The following CHKA variants were observed in gnomAD, a reference collection of about 807,000 sequenced individuals.
CHKA encodes choline kinase alpha.
CHKA carries 34 observed loss-of-function variants against 60.1 expected under a neutral mutation model. That is an observed-to-expected ratio of 0.57 (90% CI 0.43 to 0.75). The LOEUF is 0.75. Among genes scored for constraint, CHKA ranks in the 30% least tolerant of loss-of-function variants. The probability of loss-of-function intolerance (pLI) is 0.00; values close to 1 mark genes in which losing one functional copy is unlikely to be tolerated. For synonymous variants in CHKA, 217 were observed against 223.1 expected (o/e 0.97, Z 0.24); for missense variants, 563 against 561.3 (o/e 1.00, Z -0.03).
chr11:68,120,520 C>A (rs778437019), intron 1 of CHKA, among the ~76,000 whole-genome samples: 18 of 152,262 alleles, frequency 1.2e-4, no homozygotes, highest in Non-Finnish European at 2.1e-4. Context: ...GCGTCAGTAC[C>A]ACACGCACTT....
chr11:68,096,556 T>G (rs550275562), intron 2 of CHKA, among the ~76,000 whole-genome samples: 1 of 152,166 alleles, frequency 6.6e-6, no homozygotes, highest in African/African-American at 2.4e-5. Flanking sequence ...ACTCAAAGTT[T>G]TAAAGAAATC....
At chr11:68,065,980 T>G (rs2134518563) in intron 8 of CHKA, 86 bp from the exon 9 acceptor site, 1 of 918,648 alleles carries the variant, frequency 1.1e-6, no homozygotes, top group Non-Finnish European at 1.7e-6. Context: ...AAAGGCTGAG[T>G]TCCGAGCACG....
At chr11:68,111,415 G>GAA (rs112678218) in intron 1 of CHKA, among the ~76,000 whole-genome samples, 7 of 122,872 alleles carry the variant, frequency 5.7e-5, no homozygotes, top group Non-Finnish European at 8.7e-5. Flanking sequence ...TCCATCTCAA[G>GAA]AAAAAAAAAA....
At chr11:68,077,829 GGT>G (rs1856843318) in intron 3 of CHKA, among the ~76,000 whole-genome samples, 2 of 152,232 alleles carry the variant, frequency 1.3e-5, no homozygotes, top group East Asian at 3.9e-4. Flanking sequence ...TGAGATCTGA[GGT>G]GTGAAAAGCC....
At chr11:68,085,827 A>G (rs538276069) in intron 2 of CHKA, among the ~76,000 whole-genome samples, 1 of 152,084 alleles carries the variant, frequency 6.6e-6, no homozygotes, top group African/African-American at 2.4e-5. Flanking sequence ...GCAGTGGTGC[A>G]ATCTCAGCTC....
At chr11:68,115,458 T>C (rs1319677100) in intron 1 of CHKA, among the ~76,000 whole-genome samples, 1 of 152,102 alleles carries the variant, frequency 6.6e-6, no homozygotes, top group Non-Finnish European at 1.5e-5. Flanking sequence ...GTGGGGGAAG[T>C]TGAGAAAGGG....
At chr11:68,070,527 C>G (rs1227402802) in intron 5 of CHKA, among the ~76,000 whole-genome samples, 197 bp downstream of exon 5, 1 of 152,122 alleles carries the variant, frequency 6.6e-6, no homozygotes, top group African/African-American at 2.4e-5. Flanking sequence ...TTTGCATAAG[C>G]CTTCTTTCCT....
At chr11:68,069,038 AAC>A (rs1401035406) in intron 6 of CHKA, 101 bp from the exon 7 acceptor site, 8 of 805,926 alleles carry the variant, frequency 9.9e-6, no homozygotes, top group East Asian at 2.6e-5. Flanking sequence ...GCTCCAAAGC[AAC>A]ACACAGTTTC....
At chr11:68,074,408 C>T (rs1363049570) in intron 4 of CHKA, among the ~76,000 whole-genome samples, 1 of 152,134 alleles carries the variant, frequency 6.6e-6, no homozygotes, top group Non-Finnish European at 1.5e-5. Flanking sequence ...TTCTATAAAG[C>T]AGGGCCCTAG....
At chr11:68,092,996 G>GT (rs72337177) in intron 2 of CHKA, among the ~76,000 whole-genome samples, 1 of 135,192 alleles carries the variant, frequency 7.4e-6, no homozygotes, top group Non-Finnish European at 1.6e-5. Context: ...TTCCCATCCA[G>GT]TTTTTTTTGG....
At chr11:68,097,301 TTC>T (rs1490410700) in intron 1 of CHKA, among the ~76,000 whole-genome samples, 171 bp from the exon 2 acceptor site, 1 of 152,182 alleles carries the variant, frequency 6.6e-6, no homozygotes, top group Non-Finnish European at 1.5e-5. Flanking sequence ...CAAATTCCCT[TTC>T]TGTTTTTCTG....
Position 68,104,309 on chromosome 11 carries a change from T to C in CHKA, c.351-7179A>G, listed in dbSNP as rs1857835218. On this transcript the variant is annotated intron_variant, in intron 1 of 11. Coordinates refer to ENST00000265689, the MANE Select transcript of CHKA (RefSeq NM_001277.3). The stretch of plus-strand genomic sequence containing the variant: ...TTGATCTCATAGAAGTTGAGAATAG[T>C]GCTTACCAGAGGCGAGGGGAGGGGA... 2.6e-5 allele frequency among the ~76,000 whole-genome samples: 4 copies of C among 152,066 alleles called. No homozygotes were observed. In the South Asian group the frequency reaches 8.3e-4, roughly 32 times the overall value.
intron 4 of CHKA, among the ~76,000 whole-genome samples, chr11:68,073,537 C>A (rs559482167): frequency 6.6e-6 from 1 of 152,174 alleles, no homozygotes; most frequent in East Asian, 1.9e-4. Context: ...AAAAAGCCAG[C>A]GCAGTGAAGG....
chr11:68,068,822 G>T, intron 7 of CHKA, 57 bp downstream of exon 7: 1 of 1,224,394 alleles, frequency 8.2e-7, no homozygotes, highest in African/African-American at 1.5e-5. Context: ...CACACTGCCA[G>T]TAATTTTCTA....
chr11:68,053,903 A>G lies in CHKA; in HGVS notation c.*85T>C. ...GCCACCCAAAGCCTCCTGCCACAGG[A>G]GCAGTAGTCGAAGCACAGAGGGGAC... On this transcript the variant is annotated 3_prime_UTR_variant, in exon 12 of 12. Transcript: ENST00000265689. The G allele has an allele frequency of 9.1e-7, 1 of 1,098,776 alleles. No homozygotes were observed. Among genetic ancestry groups the G allele is most frequent in the South Asian group, 1.3e-5 (1 of 76,374 alleles). The allele number at this position is 1,098,776 out of a possible 1,614,324, so 68.1% of individuals were successfully genotyped here.
At chr11:68,072,540 G>A (rs1434544623) in intron 4 of CHKA, among the ~76,000 whole-genome samples, 6 of 118,696 alleles carry the variant, frequency 5.1e-5, no homozygotes, top group African/African-American at 1.6e-4. Flanking sequence ...AATAGAGTGA[G>A]ACCCTATCTT....
chr11:68,054,030 C>T lies in CHKA; in HGVS notation c.1332G>A (p.Arg444=). ...EFGYMDYAQA[R]FDAYFHQKRK... ...TCTTCTGGTGGAAATAGGCATCAAA[C>T]CTTGCTTGGGCGTAGTCCTAGGAGA... Residue 444 remains arginine (R), a synonymous_variant, in exon 12 of 12, where the codon AGG becomes AGA. Transcript: ENST00000265689. 6.2e-7 allele frequency: 1 copy of T among 1,613,382 alleles called. No homozygotes were observed. The highest frequency in any genetic ancestry group is 1.3e-5 in the African/African-American group (1 of 75,058).
rs1856425542 is a variant in CHKA, at chr11:68,065,875, G to A, written c.1036C>T (p.His346Tyr). 1 of 1,600,050 alleles carries A rather than the reference G, an allele frequency of 6.2e-7. No individual in the cohort carries two copies. The highest frequency in any genetic ancestry group is 8.6e-7 in the Non-Finnish European group (1 of 1,168,700). The change falls in exon 9 of 12, where the codon CAC (histidine) becomes TAC (tyrosine). Residue 346 changes from histidine to tyrosine, a missense_variant. By Grantham distance (83) the His-to-Tyr change is moderately conservative. Transcript: ENST00000265689. ...TAATCATACATCCACTCACAGAAGT[G>A]ATTTCCAATGTCGAATCCCCTGAAA... Reference protein sequence around the residue: ...YNYRGFDIGNHFCEWMYDYSY... With the variant: ...YNYRGFDIGNYFCEWMYDYSY...
Position 68,053,775 on chromosome 11 carries a change from G to C in CHKA, c.*213C>G, listed in dbSNP as rs892812679. 2 of 502,960 alleles carry C rather than the reference G, an allele frequency of 4.0e-6. No homozygotes were observed. The highest frequency in any genetic ancestry group is 7.1e-6 in the Non-Finnish European group (2 of 280,772). 31.2% of individuals were successfully genotyped at this position (502,960 alleles called of 1,614,324 possible). ...CTATTGCACTATATTTCTGCTTCCC[G>C]ATCTCGTTTCTGAGTCCTAGTGAAA... On this transcript the variant is annotated 3_prime_UTR_variant, in exon 12 of 12. Coordinates refer to ENST00000265689, the MANE Select transcript of CHKA (RefSeq NM_001277.3).
Sources: gnomAD v4.1 joint callset for allele counts (sites outside exome capture counted in the v4.1 genomes callset) on GRCh38, gnomAD v4.1.1 for gene constraint, MANE v1.5 for transcripts, NCBI Gene and HGNC (gene_info 2026-07-23, HGNC 2026-07-21) for gene names.